The following DGKI variants were observed in gnomAD, a reference collection of about 807,000 sequenced individuals.
DGKI encodes the protein DAG kinase iota.
A neutral mutation model predicts 147.5 loss-of-function variants in DGKI; 55 were observed. The observed-to-expected ratio is 0.37, with a 90% confidence interval of 0.30 to 0.47. The LOEUF is 0.47. Among genes scored for constraint, DGKI ranks in the 20% least tolerant of loss-of-function variants. The probability of loss-of-function intolerance (pLI) is 1.00; values close to 1 mark genes in which losing one functional copy is unlikely to be tolerated. For synonymous variants in DGKI, 469 were observed against 477.1 expected (o/e 0.98, Z 0.22); for missense variants, 1,007 against 1,323.8 (o/e 0.76, Z 3.71).
chr7:137,680,938 A>G (rs558889104), intron 2 of DGKI, among the ~76,000 whole-genome samples: 1 of 152,316 alleles, frequency 6.6e-6, no homozygotes, highest in South Asian at 2.1e-4. Flanking sequence ...TTCTGGGGTA[A>G]GAACAACCAA....
At chr7:137,807,494 G>A (rs1797417365) in intron 1 of DGKI, among the ~76,000 whole-genome samples, 1 of 152,206 alleles carries the variant, frequency 6.6e-6, no homozygotes, top group Non-Finnish European at 1.5e-5. Context: ...TGTTCCAGCA[G>A]CTCACAGGAG....
intron 31 of DGKI, among the ~76,000 whole-genome samples, chr7:137,396,254 G>A (rs1025973946): frequency 6.6e-6 from 1 of 152,208 alleles, no homozygotes; most frequent in African/African-American, 2.4e-5. Flanking sequence ...GCAGGTGGAA[G>A]GAGGGGGCAG....
chr7:137,737,141 C>T (rs538599792), intron 1 of DGKI, among the ~76,000 whole-genome samples: 1 of 142,638 alleles, frequency 7.0e-6, no homozygotes, highest in South Asian at 2.2e-4. Context: ...TATGCTGGGT[C>T]TGTGCATACT....
intron 28 of DGKI, among the ~76,000 whole-genome samples, chr7:137,429,482 C>T (rs1164974843): frequency 6.7e-6 from 1 of 150,086 alleles, no homozygotes; most frequent in Non-Finnish European, 1.5e-5. Flanking sequence ...CCATTCAGGA[C>T]ATAGGCATGG....
intron 13 of DGKI, 55 bp downstream of exon 13, chr7:137,587,042 C>G (rs1819428495): frequency 1.6e-6 from 2 of 1,288,178 alleles, no homozygotes; most frequent in Admixed American, 2.5e-5. Context: ...ATCAGTGGAT[C>G]TGGAATCCGG....
chr7:137,576,757 T>C (rs834433), intron 17 of DGKI, among the ~76,000 whole-genome samples: 31,792 of 152,128 alleles, frequency 0.21, 5,714 homozygotes, highest in African/African-American at 0.48. Context: ...CGTTCTAAAA[T>C]GGAGATTATC....
At chr7:137,391,410 C>G in intron 32 of DGKI, 74 bp from the exon 33 acceptor site, 1 of 1,072,194 alleles carries the variant, frequency 9.3e-7, no homozygotes, top group Non-Finnish European at 1.3e-6. Context: ...AATACAAAAA[C>G]AAAAAACAAA....
chr7:137,465,903 C>T lies in DGKI; in HGVS notation c.2612+5G>A. 1 of 1,613,408 alleles carries T rather than the reference C, an allele frequency of 6.2e-7. No homozygotes were observed. The highest frequency in any genetic ancestry group is 8.5e-7 in the Non-Finnish European group (1 of 1,179,692). On this transcript the variant is annotated splice_donor_5th_base_variant and intron_variant, in intron 26 of 32. Coordinates refer to ENST00000614521, the MANE Select transcript of DGKI (RefSeq NM_001321708.2). ...AGCCTCACAGGCCAGGAGAAGCACACTCACCCCGAGGCTTGTTCCACCACC... is the reference window on the plus strand; with the variant it reads ...AGCCTCACAGGCCAGGAGAAGCACATTCACCCCGAGGCTTGTTCCACCACC...
rs905373664 is a variant in DGKI, at chr7:137,843,751, C to T, written c.401+2711G>A. Reference sequence around the variant, plus strand: ...TAGCAACAGAAGGAGCAGATGAGACCCCCCTACACACACACACACACACAC... The same window carrying T: ...TAGCAACAGAAGGAGCAGATGAGACTCCCCTACACACACACACACACACAC... On this transcript the variant is annotated intron_variant, in intron 1 of 32. Coordinates refer to ENST00000614521, the MANE Select transcript of DGKI (RefSeq NM_001321708.2). Among the ~76,000 whole-genome samples, 3 of 76,896 alleles carry T rather than the reference C, an allele frequency of 3.9e-5. No homozygotes were observed. In the Admixed American group the frequency reaches 4.9e-4, roughly 12 times the overall value. 50.4% of individuals were successfully genotyped at this position (76,896 alleles called of 152,430 possible).
At chr7:137,451,669 G>C (rs540220452) in intron 27 of DGKI, among the ~76,000 whole-genome samples, 1 of 152,190 alleles carries the variant, frequency 6.6e-6, no homozygotes, top group East Asian at 1.9e-4. Context: ...AATAATGGGT[G>C]TCACGACTAT....
chr7:137,443,810 T>C lies in DGKI; in HGVS notation c.2761+267A>G, dbSNP rs557458910. ...CAAAACCACAAAACCACAAAAAGTTTCTGCTGATGGGACTGAAATCAGGCA... is the reference window on the plus strand; with the variant it reads ...CAAAACCACAAAACCACAAAAAGTTCCTGCTGATGGGACTGAAATCAGGCA... On this transcript the variant is annotated intron_variant, in intron 28 of 32. Coordinates refer to ENST00000614521, the MANE Select transcript of DGKI (RefSeq NM_001321708.2). 2.3e-4 allele frequency among the ~76,000 whole-genome samples: 35 copies of C among 152,312 alleles called. No individual in the cohort carries two copies. The South Asian group carries it at 6.8e-3, about 30-fold the overall frequency.
chr7:137,462,418 C>T (rs889424493), intron 27 of DGKI, among the ~76,000 whole-genome samples: 3 of 152,056 alleles, frequency 2.0e-5, no homozygotes, highest in Admixed American at 6.6e-5. Flanking sequence ...GTTCCTTTCC[C>T]GTCTTCACAC....
chr7:137,798,105 A>T (rs1213323416), intron 1 of DGKI, among the ~76,000 whole-genome samples: 1 of 152,132 alleles, frequency 6.6e-6, no homozygotes, highest in Non-Finnish European at 1.5e-5. Context: ...AAATTTAAAA[A>T]TTCCTATAAA....
At chr7:137,666,011 A>G (rs10250856) in intron 3 of DGKI, among the ~76,000 whole-genome samples, 3,516 of 152,316 alleles carry the variant, frequency 0.023, 140 homozygotes, top group African/African-American at 0.079. Context: ...GACTGGTTAC[A>G]AAGAATGATA....
intron 12 of DGKI, 27 bp from the exon 13 acceptor site, chr7:137,587,237 G>T: frequency 6.5e-7 from 1 of 1,540,656 alleles, no homozygotes; most frequent in Non-Finnish European, 8.8e-7. Context: ...GGCCAGAAGA[G>T]ATATAAGAAA....
At chr7:137,443,815 T>C (rs1216875962) in intron 28 of DGKI, among the ~76,000 whole-genome samples, 1 of 152,212 alleles carries the variant, frequency 6.6e-6, no homozygotes, top group Non-Finnish European at 1.5e-5. Context: ...AAGTTTCTGC[T>C]GATGGGACTG....
At chr7:137,441,971 GA>G (rs1349109035) in intron 28 of DGKI, among the ~76,000 whole-genome samples, 4 of 152,062 alleles carry the variant, frequency 2.6e-5, no homozygotes, top group Non-Finnish European at 4.4e-5. Flanking sequence ...TAAAAAGAAG[GA>G]AATATATTTT....
Position 137,599,881 on chromosome 7 carries a change from T to G in DGKI, c.1192A>C (p.Met398Leu). 18 of 1,613,830 alleles carry G rather than the reference T, an allele frequency of 1.1e-5. No individual in the cohort carries two copies. Among genetic ancestry groups the G allele is most frequent in the Non-Finnish European group, 1.5e-5 (18 of 1,179,728 alleles). ...ACTTGCCGTGGATTCAGGTACCACA[T>G]GAACATCTGCAGGACTTTGGTTCCC... ...NQGTKVLQMF[M>L]WYLNPRQVFD... is the part of the protein sequence containing the mutation. The change falls in exon 11 of 33, where the codon ATG (methionine) becomes CTG (leucine). Residue 398 changes from methionine to leucine, a missense_variant. By Grantham distance (15) the Met-to-Leu change is conservative. Around this residue, in one of 5 missense-constraint regions of DGKI, gnomAD observed 224 missense variants for 382.7 expected, o/e 0.59. Coordinates refer to ENST00000614521, the MANE Select transcript of DGKI (RefSeq NM_001321708.2).
In DGKI at chr7:137,491,786, C is replaced by T. The variant is rs531389482; in HGVS notation, c.2249-4097G>A. ...ACATCCCCAAACTTTCTCCAAAGCC[C>T]ATGCAAACTGCTGCCCCAAAGGGCC... is the stretch of plus-strand genomic sequence containing the variant. On this transcript the variant is annotated intron_variant, in intron 21 of 32. Coordinates refer to ENST00000614521, the MANE Select transcript of DGKI (RefSeq NM_001321708.2). Among the ~76,000 whole-genome samples, 4 of 152,280 alleles carry T rather than the reference C, an allele frequency of 2.6e-5. No individual in the cohort carries two copies. The East Asian group carries it at 7.7e-4, about 29-fold the overall frequency.
Sources: gnomAD v4.1 joint callset for allele counts (sites outside exome capture counted in the v4.1 genomes callset) on GRCh38, gnomAD v4.1.1 for gene constraint, gnomAD v4.1.1 regional missense constraint, MANE v1.5 for transcripts, NCBI Gene and HGNC (gene_info 2026-07-23, HGNC 2026-07-21) for gene names.